STARD9: variants seen among roughly 807,000 people sequenced by gnomAD.
STARD9 encodes stAR-related lipid transfer protein 9.
STARD9 carries 346 observed loss-of-function variants against 399.8 expected under a neutral mutation model. The observed-to-expected ratio is 0.87, with a 90% CI of 0.79 to 0.95. The LOEUF (loss-of-function observed/expected upper bound fraction) is 0.95. Ranked by LOEUF, STARD9 falls within the 40% of genes least tolerant of loss-of-function variation. The probability of loss-of-function intolerance (pLI) is 0.00; values close to 1 mark genes in which losing one functional copy is unlikely to be tolerated. For synonymous variants in STARD9, 2,203 were observed against 2,143.5 expected, an observed-to-expected ratio of 1.03 and a Z score of -0.77; for missense variants, 5,832 against 5,667.5, an observed-to-expected ratio of 1.03 and a Z score of -0.93.
chr15:42,644,327 A>C (rs968635016), intron 7 of STARD9, among the ~76,000 whole-genome samples: 2 of 152,120 alleles, frequency 1.3e-5, no homozygotes, highest in African/African-American at 4.8e-5. Flanking sequence ...CCCCGTCTCT[A>C]CTGAAAATAC....
intron 16 of STARD9, chr15:42,672,676 G>A (rs904438639): frequency 1.4e-5 from 2 of 141,984 alleles, no homozygotes; most frequent in African/African-American, 6.3e-5. Context: ...GGCATGCAGT[G>A]CGGACAGAGC....
chr15:42,707,673 T>C (rs573580128), intron 26 of STARD9, among the ~76,000 whole-genome samples: 4 of 152,150 alleles, frequency 2.6e-5, no homozygotes, highest in East Asian at 1.9e-4. Flanking sequence ...ACTTTTACTA[T>C]GTTGACCAGG....
chr15:42,629,139 C>T (rs2059281786), intron 3 of STARD9, among the ~76,000 whole-genome samples: 1 of 152,102 alleles, frequency 6.6e-6, no homozygotes, highest in African/African-American at 2.4e-5. Context: ...CCCACCTCAG[C>T]CTCCCAAGTA....
chr15:42,692,248 T>C lies in STARD9; in HGVS notation c.10670T>C (p.Val3557Ala). 2.0e-6 allele frequency: 3 copies of C among 1,536,988 alleles called. No individual in the cohort carries two copies. Among genetic ancestry groups the C allele is most frequent in the Non-Finnish European group, 2.6e-6 (3 of 1,146,868 alleles). ...NAQGSNEAWE[V>A]FRGSSSIALG... ...CAGGGTTCAAATGAGGCCTGGGAAG[T>C]ATTCCGAGGGAGTTCTTCAATTGCC... Residue 3557 changes from valine to alanine, a missense_variant, in exon 23 of 33, where the codon GTA becomes GCA. Val to Ala is a moderately conservative substitution (Grantham distance 64). Around this residue, in one of 2 missense-constraint regions of STARD9, gnomAD observed 5,828 missense variants for 5,651.1 expected, o/e 1.03. Transcript: ENST00000290607.
chr15:42,686,295 G>T lies in STARD9; in HGVS notation c.4717G>T (p.Val1573Phe). Residue 1573 changes from valine (V) to phenylalanine (F), a missense_variant, in exon 23 of 33, where the codon GTT becomes TTT. Physicochemically the swap from Val to Phe is conservative, Grantham distance 50. This residue lies in a region of STARD9 where 5,828 missense variants were observed against 5,651.1 expected (regional missense o/e 1.03). Coordinates refer to ENST00000290607, the MANE Select transcript of STARD9 (RefSeq NM_020759.3). ...QDSLNAKLEGVSDFFSTSEKE... is the reference protein window; with the variant it reads ...QDSLNAKLEGFSDFFSTSEKE... Reference sequence around the variant, plus strand: ...CAGTTTAAATGCCAAATTAGAAGGTGTTTCAGATTTCTTTAGCACTAGTGA... The same window carrying T: ...CAGTTTAAATGCCAAATTAGAAGGTTTTTCAGATTTCTTTAGCACTAGTGA... 6.5e-7 allele frequency: 1 copy of T among 1,537,602 alleles called. No homozygotes were observed. Among genetic ancestry groups the T allele is most frequent in the South Asian group, 1.2e-5 (1 of 84,064 alleles).
intron 3 of STARD9, among the ~76,000 whole-genome samples, chr15:42,593,324 G>A (rs764202400): frequency 3.9e-5 from 6 of 152,132 alleles, no homozygotes; most frequent in Non-Finnish European, 5.9e-5. Flanking sequence ...TATTGTGTTT[G>A]GGTGACTGTG....
chr15:42,675,693 A>T lies in STARD9; in HGVS notation c.1717A>T (p.Lys573Ter), dbSNP rs1335075404. The T allele has an allele frequency of 6.5e-7, 1 of 1,537,172 alleles. No homozygotes were observed. Among genetic ancestry groups the T allele is most frequent in the Non-Finnish European group, 8.7e-7 (1 of 1,146,866 alleles). Residue 573 changes from lysine (K) to a stop codon, truncating the protein, a stop_gained, in exon 19 of 33, where the codon AAG (lysine) becomes TAG (stop). Coordinates refer to ENST00000290607, the MANE Select transcript of STARD9 (RefSeq NM_020759.3). LOFTEE classifies it high-confidence loss of function. Reference sequence around the variant, plus strand: ...TGTCATAACCCTGGGGAAGGCACAGAAGTTCCGATTCAACCACCCAGCAGA... The same window carrying T: ...TGTCATAACCCTGGGGAAGGCACAGTAGTTCCGATTCAACCACCCAGCAGA... ...GAVITLGKAQ[K>*]FRFNHPAEAA... is the part of the protein sequence containing the mutation.
In STARD9 at chr15:42,687,759, A is replaced by C. The variant is rs950560257; in HGVS notation, c.6181A>C (p.Ile2061Leu). 2.0e-6 allele frequency: 3 copies of C among 1,537,366 alleles called. No homozygotes were observed. Among genetic ancestry groups the C allele is most frequent in the Admixed American group, 2.0e-5 (1 of 50,994 alleles). The change falls in exon 23 of 33, where the codon ATC (isoleucine) becomes CTC (leucine). Residue 2061 changes from isoleucine (I) to leucine (L), a missense_variant. Physicochemically the swap from Ile to Leu is conservative, Grantham distance 5 (BLOSUM62 2). Coordinates refer to ENST00000290607, the MANE Select transcript of STARD9 (RefSeq NM_020759.3). Reference sequence around the variant, plus strand: ...GAGTGTAATGCAGCTGGAAAATGGCATCTTAGAAATTGAATCTAAGCAGAA... The same window carrying C: ...GAGTGTAATGCAGCTGGAAAATGGCCTCTTAGAAATTGAATCTAAGCAGAA... ...IRSVMQLENG[I>L]LEIESKQNKQ...
chr15:42,707,785 CA>C (rs1448935422), intron 26 of STARD9, among the ~76,000 whole-genome samples: 3 of 152,086 alleles, frequency 2.0e-5, no homozygotes, highest in African/African-American at 7.2e-5. Context: ...ACATACACAA[CA>C]ATCACTTTTT....
At chr15:42,694,937 G>A (rs1437964680) in intron 24 of STARD9, among the ~76,000 whole-genome samples, 5 of 152,222 alleles carry the variant, frequency 3.3e-5, no homozygotes, top group Non-Finnish European at 2.9e-5. Context: ...TGCTATGCAA[G>A]TCTGCAGGCC....
At chr15:42,587,764 C>T (rs531093275) in intron 3 of STARD9, among the ~76,000 whole-genome samples, 147 of 152,174 alleles carry the variant, frequency 9.7e-4, no homozygotes, top group African/African-American at 3.2e-3. Flanking sequence ...GAGGTTTCTC[C>T]GTGTTGGTCA....
At position 42,686,968 on chromosome 15, in the gene STARD9, AT is replaced by A. The variant is rs1483675507; in HGVS notation, c.5393del (p.Leu1798CysfsTer26). 6.5e-7 allele frequency: 1 copy of A among 1,536,456 alleles called. No individual in the cohort carries two copies. The highest frequency in any genetic ancestry group is 1.4e-5 in the African/African-American group (1 of 73,022). ...QALQGAYLKN[N>X]LPVLLQNQNS... ...CTCCAAGGTGCTTATTTGAAGAATA[AT>A]TTGCCAGTGCTGTTACAAAACCAGA... On this transcript the variant is annotated frameshift_variant, in exon 23 of 33. Coordinates refer to ENST00000290607, the MANE Select transcript of STARD9 (RefSeq NM_020759.3). LOFTEE classifies it high-confidence loss of function.
intron 7 of STARD9, among the ~76,000 whole-genome samples, chr15:42,644,931 A>C (rs1205629225): frequency 6.6e-6 from 1 of 152,214 alleles, no homozygotes; most frequent in South Asian, 2.1e-4. Flanking sequence ...CTGCTCATCC[A>C]TAAGAAGCAA....
chr15:42,717,774 G>A lies in STARD9; in HGVS notation c.13538G>A (p.Cys4513Tyr), dbSNP rs889786118. Residue 4513 changes from cysteine (C) to tyrosine (Y), a missense_variant, in exon 29 of 33, where the codon TGC becomes TAC. This residue lies in a region of STARD9 where 5,828 missense variants were observed against 5,651.1 expected (regional missense o/e 1.03). Transcript: ENST00000290607. ...GATAATTTGCACAACCTCTTCAGCT[G>A]CCAGGCAACTGCTGGCTGGAAGTAA... ...CSDNLHNLFS[C>Y]QATAGWNYQG... is the part of the protein sequence containing the mutation. 6.5e-7 allele frequency: 1 copy of A among 1,537,126 alleles called. No individual in the cohort carries two copies. Among genetic ancestry groups the A allele is most frequent in the Non-Finnish European group, 8.7e-7 (1 of 1,146,912 alleles).
intron 3 of STARD9, among the ~76,000 whole-genome samples, chr15:42,593,410 A>G (rs950746044): frequency 2.0e-5 from 3 of 152,196 alleles, no homozygotes; most frequent in African/African-American, 7.2e-5. Context: ...TTTAAAACAA[A>G]TGCAGACTGA....
Position 42,695,781 on chromosome 15 carries a change from CCTGTGCACCAGCTCT to C in STARD9, c.13186_13200del (p.Leu4396_Ser4400del). On this transcript the variant is annotated inframe_deletion, in exon 26 of 33. Transcript: ENST00000290607. ...TACATACCTTGGCCAATTCCAGCTC[CCTGTGCACCAGCTCT>C]AATGGAAGCCTCTCGTCTGGCATGA... is the stretch of plus-strand genomic sequence containing the variant. 1.3e-6 allele frequency: 2 copies of C among 1,537,272 alleles called. No individual in the cohort carries two copies. The highest frequency in any genetic ancestry group is 1.7e-6 in the Non-Finnish European group (2 of 1,146,900).
intron 26 of STARD9, among the ~76,000 whole-genome samples, chr15:42,716,449 C>G (rs765336497): frequency 6.6e-6 from 1 of 152,188 alleles, no homozygotes; most frequent in Non-Finnish European, 1.5e-5. Flanking sequence ...TGGAACTCTC[C>G]TGTAAGCAGC....
intron 3 of STARD9, among the ~76,000 whole-genome samples, chr15:42,624,694 A>G (rs1472913421): frequency 5.3e-5 from 8 of 151,410 alleles, no homozygotes; most frequent in Non-Finnish European, 1.0e-4. Context: ...GACTACAGGC[A>G]TGCGCCACCA....
At chr15:42,591,444 C>T (rs139999040) in intron 3 of STARD9, among the ~76,000 whole-genome samples, 3,245 of 151,302 alleles carry the variant, frequency 0.021, 129 homozygotes, top group African/African-American at 0.076. Flanking sequence ...GCCGAGATCG[C>T]ACCACTGCAC....
Sources: gnomAD v4.1 joint callset for allele counts (sites outside exome capture counted in the v4.1 genomes callset) on GRCh38, gnomAD v4.1.1 for gene constraint, gnomAD v4.1.1 regional missense constraint, MANE v1.5 for transcripts, NCBI Gene and HGNC (gene_info 2026-07-23, HGNC 2026-07-21) for gene names.